EXOC4: variants seen among roughly 807,000 people sequenced by gnomAD.
The protein encoded by EXOC4 is SEC8-like 1.
In EXOC4, 71 loss-of-function variants were observed where a neutral mutation model predicts 107.2. That is an observed-to-expected ratio of 0.66 (90% CI 0.55 to 0.81). EXOC4 has a LOEUF of 0.81. Among genes scored for constraint, EXOC4 ranks in the 30% least tolerant of loss-of-function variants. The pLI is 0.00. For missense variants in EXOC4, 1,108 were observed against 1,189.6 expected, an observed-to-expected ratio of 0.93 and a Z score of 1.01; for synonymous variants, 456 against 441.2, an observed-to-expected ratio of 1.03 and a Z score of -0.42.
chr7:134,013,515 C>T (rs931426729), intron 17 of EXOC4, among the ~76,000 whole-genome samples: 2 of 152,046 alleles, frequency 1.3e-5, no homozygotes, highest in Non-Finnish European at 2.9e-5. Context: ...AACCAAGAGG[C>T]CCTGAATGAA....
chr7:133,256,029 T>A (rs1795009741), intron 1 of EXOC4, among the ~76,000 whole-genome samples: 1 of 151,896 alleles, frequency 6.6e-6, no homozygotes, highest in South Asian at 2.1e-4. Flanking sequence ...TCGCCCAGGC[T>A]GGAGTGCAGT....
intron 9 of EXOC4, among the ~76,000 whole-genome samples, chr7:133,522,931 G>A (rs1001749745): frequency 2.6e-5 from 4 of 152,046 alleles, no homozygotes; most frequent in African/African-American, 4.8e-5. Flanking sequence ...TACCATGTAC[G>A]AGCCCATTTG....
intron 10 of EXOC4, among the ~76,000 whole-genome samples, chr7:133,770,666 C>T (rs974050826): frequency 2.6e-5 from 4 of 151,854 alleles, no homozygotes; most frequent in Non-Finnish European, 5.9e-5. Context: ...GGGAAACTTA[C>T]AAATTGTACA....
chr7:133,468,525 A>G (rs1798789391), intron 7 of EXOC4, among the ~76,000 whole-genome samples: 1 of 152,180 alleles, frequency 6.6e-6, no homozygotes, highest in African/African-American at 2.4e-5. Flanking sequence ...ATATTATTTC[A>G]GTCTCTTGGC....
chr7:133,755,563 C>T (rs1340007732), intron 10 of EXOC4, among the ~76,000 whole-genome samples: 1 of 151,036 alleles, frequency 6.6e-6, no homozygotes, highest in African/African-American at 2.4e-5. Context: ...AGGATGTTCT[C>T]GATATCCTGA....
intron 5 of EXOC4, among the ~76,000 whole-genome samples, chr7:133,324,948 C>T (rs2150593020): frequency 6.6e-6 from 1 of 152,210 alleles, no homozygotes; most frequent in South Asian, 2.1e-4. Context: ...TGAATTGATC[C>T]CTTTACCATT....
chr7:133,295,777 A>G (rs1385400463), intron 3 of EXOC4, among the ~76,000 whole-genome samples: 1 of 152,170 alleles, frequency 6.6e-6, no homozygotes, highest in African/African-American at 2.4e-5. Context: ...ATGTGCAAGC[A>G]AGAAAAAAGG....
chr7:133,453,047 A>G (rs1365679242), intron 7 of EXOC4, among the ~76,000 whole-genome samples: 4 of 152,158 alleles, frequency 2.6e-5, no homozygotes, highest in African/African-American at 9.7e-5. Flanking sequence ...CTTTTCTGGG[A>G]GGAGAATAAA....
intron 9 of EXOC4, among the ~76,000 whole-genome samples, chr7:133,514,637 T>G (rs1465383872): frequency 6.6e-6 from 1 of 152,194 alleles, no homozygotes; most frequent in Non-Finnish European, 1.5e-5. Flanking sequence ...TTAATCTAGA[T>G]TTAGAGACTT....
chr7:134,029,576 G>A (rs919955467), intron 17 of EXOC4, among the ~76,000 whole-genome samples: 2 of 152,188 alleles, frequency 1.3e-5, no homozygotes, highest in African/African-American at 4.8e-5. Context: ...CTGGAGTGCA[G>A]TGGTGTGATC....
intron 14 of EXOC4, among the ~76,000 whole-genome samples, chr7:133,972,951 T>A (rs1272645641): frequency 2.0e-5 from 3 of 152,210 alleles, no homozygotes; most frequent in Admixed American, 6.5e-5. Context: ...GCCACAACTG[T>A]TACACACATA....
intron 17 of EXOC4, among the ~76,000 whole-genome samples, chr7:134,022,435 G>A (rs148098510): frequency 1.3e-5 from 2 of 152,202 alleles, no homozygotes; most frequent in African/African-American, 4.8e-5. Context: ...AATATTTACT[G>A]TCTGTTGTAC....
chr7:134,018,109 A>G (rs60764662), intron 17 of EXOC4, among the ~76,000 whole-genome samples: 2,221 of 152,266 alleles, frequency 0.015, 66 homozygotes, highest in African/African-American at 0.051. Context: ...TAGTTAGTTA[A>G]TTAACCCACC....
chr7:133,766,568 A>G (rs1392176650), intron 10 of EXOC4, among the ~76,000 whole-genome samples: 1 of 151,964 alleles, frequency 6.6e-6, no homozygotes, highest in African/African-American at 2.4e-5. Flanking sequence ...AAGTTAGAGT[A>G]AAATGGTTAA....
intron 7 of EXOC4, among the ~76,000 whole-genome samples, chr7:133,405,639 C>G (rs1797199643): frequency 6.6e-6 from 1 of 152,056 alleles, no homozygotes; most frequent in Non-Finnish European, 1.5e-5. Flanking sequence ...TCAGTGGATG[C>G]CAGAAACTGC....
At chr7:133,713,624 C>A (rs1163793971) in intron 10 of EXOC4, among the ~76,000 whole-genome samples, 3 of 152,148 alleles carry the variant, frequency 2.0e-5, no homozygotes, top group Admixed American at 6.5e-5. Flanking sequence ...TCATAATCAC[C>A]ATGTGTCAAG....
At chr7:134,084,128 T>A in the EXOC4 span, among the ~76,000 whole-genome samples, 1 of 152,160 alleles carries the variant, frequency 6.6e-6, no homozygotes, top group Admixed American at 6.6e-5. Context: ...AGAGATGTAA[T>A]CAGCCTGGAA....
chr7:133,895,742 C>A lies in EXOC4; in HGVS notation c.1871+7C>A, dbSNP rs200252718. 6.2e-7 allele frequency: 1 copy of A among 1,613,024 alleles called. No homozygotes were observed. Reference sequence around the variant, plus strand: ...CCTGCACTGCAGCTTACAGGTAGAGCTTCTGTTAGGGGCTAAGCAAAGTAA... The same window carrying A: ...CCTGCACTGCAGCTTACAGGTAGAGATTCTGTTAGGGGCTAAGCAAAGTAA... On this transcript the variant is annotated splice_region_variant and intron_variant, in intron 12 of 17. Coordinates refer to ENST00000253861, the MANE Select transcript of EXOC4 (RefSeq NM_021807.4).
At chr7:133,710,052 G>A (rs1335385015) in intron 10 of EXOC4, among the ~76,000 whole-genome samples, 2 of 152,114 alleles carry the variant, frequency 1.3e-5, no homozygotes, top group East Asian at 1.9e-4. Context: ...TTGCCTATGA[G>A]TGTTGTCATT....
Sources: gnomAD v4.1 joint callset for allele counts (sites outside exome capture counted in the v4.1 genomes callset) on GRCh38, gnomAD v4.1.1 for gene constraint, MANE v1.5 for transcripts, NCBI Gene and HGNC (gene_info 2026-07-23, HGNC 2026-07-21) for gene names.